EIF2B4: variants seen among roughly 807,000 people sequenced by gnomAD.
EIF2B4 encodes translation initiation factor eIF2B subunit delta.
In EIF2B4, 34 loss-of-function variants were observed where a neutral mutation model predicts 66.7. The observed-to-expected ratio is 0.51, with a 90% CI of 0.39 to 0.68. The LOEUF (loss-of-function observed/expected upper bound fraction) is 0.68, where lower values mean the gene tolerates loss of function less well. Ranked by LOEUF, EIF2B4 falls within the 30% of genes least tolerant of loss-of-function variation. The probability of loss-of-function intolerance (pLI) is 0.00; values close to 1 mark genes in which losing one functional copy is unlikely to be tolerated. For missense variants in EIF2B4, 618 were observed against 657.9 expected (o/e 0.94, Z 0.66); for synonymous variants, 278 against 253.6 (o/e 1.10, Z -0.92).
intron 4 of EIF2B4, 92 bp from the exon 5 acceptor site, chr2:27,368,825 T>A: frequency 6.7e-7 from 1 of 1,484,962 alleles, no homozygotes; most frequent in Non-Finnish European, 9.4e-7. Flanking sequence ...AAAAACAGGA[T>A]GAGGTGGAGA....
At chr2:27,369,304 G>C (rs1682149606) in intron 3 of EIF2B4, 92 bp from the exon 4 acceptor site, 3 of 1,606,714 alleles carry the variant, frequency 1.9e-6, no homozygotes. Context: ...AAACCTCTTT[G>C]CTTTACACAC....
intron 6 of EIF2B4, 61 bp downstream of exon 6, chr2:27,368,311 C>G: frequency 4.0e-6 from 6 of 1,489,540 alleles, no homozygotes; most frequent in Non-Finnish European, 4.7e-6. Flanking sequence ...TAGAAACTTT[C>G]AATACTGACT....
chr2:27,368,302 A>G (rs1008225417), intron 6 of EIF2B4, 70 bp downstream of exon 6: 4 of 1,451,914 alleles, frequency 2.8e-6, no homozygotes, highest in African/African-American at 2.8e-5. Context: ...TCAGATTACT[A>G]GAAACTTTCA....
intron 3 of EIF2B4, 31 bp downstream of exon 3, chr2:27,369,383 C>T (rs776183129): frequency 2.2e-5 from 35 of 1,613,622 alleles, no homozygotes; most frequent in South Asian, 4.4e-5. Context: ...AGCTCCACAC[C>T]CCAGCCCTTT....
At chr2:27,365,377 C>CTTTTT (rs372524722) in intron 11 of EIF2B4, among the ~76,000 whole-genome samples, 2 of 119,724 alleles carry the variant, frequency 1.7e-5, no homozygotes, top group African/African-American at 3.3e-5. Flanking sequence ...TTAATAAATC[C>CTTTTT]TTTTTTTTTT....
chr2:27,367,161 T>C lies in EIF2B4; in HGVS notation c.926A>G (p.Gln309Arg), dbSNP rs750965977. Residue 309 changes from glutamine (Q) to arginine (R), a missense_variant, in exon 10 of 13, where the codon CAA becomes CGA. Coordinates refer to ENST00000347454, the MANE Select transcript of EIF2B4 (RefSeq NM_001034116.2). ...ELRAAIDRYV[Q>R]EKIVLAAQAI... ...CTGAGCTGCTAGCACAATCTTCTCT[T>C]GCACATACCGATCAATGGCTGCTCG... is the stretch of plus-strand genomic sequence containing the variant. 1.8e-5 allele frequency: 29 copies of C among 1,614,214 alleles called. No individual in the cohort carries two copies. The highest frequency in any genetic ancestry group is 2.5e-5 in the Non-Finnish European group (29 of 1,180,040).
chr2:27,368,493 G>A (rs377475649), intron 5 of EIF2B4, 30 bp from the exon 6 acceptor site: 3 of 1,593,134 alleles, frequency 1.9e-6, no homozygotes, highest in South Asian at 1.1e-5. Flanking sequence ...AGGACCAATG[G>A]CCCAGAGTTT....
chr2:27,364,826 G>C lies in EIF2B4; in HGVS notation c.1264C>G (p.Gln422Glu), dbSNP rs1285385477. 6.2e-7 allele frequency: 1 copy of C among 1,614,152 alleles called. No homozygotes were observed. Among genetic ancestry groups the C allele is most frequent in the East Asian group, 2.2e-5 (1 of 44,888 alleles). Residue 422 changes from glutamine (Q) to glutamate (E), a missense_variant, in exon 12 of 13, where the codon CAG becomes GAG. Gln to Glu is a conservative substitution (Grantham distance 29). This residue lies in a region of EIF2B4 where 36 missense variants were observed against 65.5 expected (regional missense o/e 0.55). Transcript: ENST00000347454. The part of the protein sequence containing the change: ...GSVMSRVGTA[Q>E]LALVARAHNV... ...TGGGCTCGAGCCACCAGGGCTAACT[G>C]TGCTGTCCCTACCCGTGACATCACA...
Position 27,364,439 on chromosome 2 carries a change from A to G in EIF2B4, c.1533T>C (p.Ser511=), listed in dbSNP as rs753589996. The G allele has an allele frequency of 4.3e-5, 69 of 1,614,070 alleles. No individual in the cohort carries two copies. The highest frequency in any genetic ancestry group is 5.7e-5 in the Non-Finnish European group (67 of 1,180,044). Residue 511 remains serine (S), a synonymous_variant, in exon 13 of 13, where the codon TCT becomes TCC. Transcript: ENST00000347454. ...TCTTGACTCGTAGAACAACAGGTAC[A>G]GAACTGCAAGGGATCATCCCCAGCT... ...ITELGMIPCS[S]VPVVLRVKSS...
In EIF2B4 at chr2:27,369,023, G is replaced by A. The variant is rs778839851; in HGVS notation, c.401C>T (p.Ala134Val). The A allele has an allele frequency of 6.2e-7, 1 of 1,613,514 alleles. No homozygotes were observed. Among genetic ancestry groups the A allele is most frequent in the Non-Finnish European group, 8.5e-7 (1 of 1,179,424 alleles). ...GPPPKASPST[A>V]GETPSGVKRL... Reference sequence around the variant, plus strand: ...GAAGATACCTGAGGGGGTTTCTCCAGCTGTGCTGGGGCTGGCCTTAGGAGG... The same window carrying A: ...GAAGATACCTGAGGGGGTTTCTCCAACTGTGCTGGGGCTGGCCTTAGGAGG... Residue 134 changes from alanine to valine, a missense_variant, in exon 4 of 13, where the codon GCT becomes GTT. Physicochemically the swap from Ala to Val is moderately conservative, Grantham distance 64. This residue lies in a region of EIF2B4 where 506 missense variants were observed against 511.9 expected (regional missense o/e 0.99). Coordinates refer to ENST00000347454, the MANE Select transcript of EIF2B4 (RefSeq NM_001034116.2).
At chr2:27,369,387 GC>G (rs1682163026) in intron 3 of EIF2B4, 26 bp downstream of exon 3, 1 of 1,613,550 alleles carries the variant, frequency 6.2e-7, no homozygotes, top group African/African-American at 1.3e-5. Context: ...CCACACCCCA[GC>G]CCTTTAAAAG....
At chr2:27,365,538 G>A (rs187703885) in intron 11 of EIF2B4, 11 of 153,272 alleles carry the variant, frequency 7.2e-5, no homozygotes, top group Admixed American at 1.3e-4. Flanking sequence ...CACCACGCCC[G>A]GCTAATTTTT....
At position 27,364,787 on chromosome 2, in the gene EIF2B4, G is replaced by C; in HGVS notation, c.1303C>G (p.Leu435Val). Reference protein sequence around the residue: ...LVARAHNVPVLVCCETYKFCE... With the variant: ...LVARAHNVPVVVCCETYKFCE... ...AACTTGTATGTTTCACAGCAAACCA[G>C]CACTGGTACATTATGGGCTCGAGCC... Residue 435 changes from leucine (L) to valine (V), a missense_variant, in exon 12 of 13, where the codon CTG (leucine) becomes GTG (valine). Leu to Val is a conservative substitution (Grantham distance 32, BLOSUM62 1). This residue lies in a region of EIF2B4 where 36 missense variants were observed against 65.5 expected (regional missense o/e 0.55). Transcript: ENST00000347454. 1 of 1,614,188 alleles carries C rather than the reference G, an allele frequency of 6.2e-7. No individual in the cohort carries two copies. The highest frequency in any genetic ancestry group is 8.5e-7 in the Non-Finnish European group (1 of 1,180,056).
At chr2:27,366,712 TACACCTTTTCACCGCCAACTTTGG>T in intron 11 of EIF2B4, 23 bp downstream of exon 11, 1 of 1,601,544 alleles carries the variant, frequency 6.2e-7, no homozygotes, top group South Asian at 1.1e-5. Flanking sequence ...TCTATACTAC[TACACCTTTTCACCGCCAACTTTGG>T]AGTCCTTTTC....
intron 8 of EIF2B4, 33 bp from the exon 9 acceptor site, chr2:27,367,592 C>T: frequency 6.2e-7 from 1 of 1,608,276 alleles, no homozygotes; most frequent in African/African-American, 1.3e-5. Context: ...TATATCTGCG[C>T]AACTCTTCAC....
intron 6 of EIF2B4, 80 bp from the exon 7 acceptor site, chr2:27,368,219 C>T (rs572469370): frequency 7.4e-7 from 1 of 1,344,894 alleles, no homozygotes; most frequent in Non-Finnish European, 1.0e-6. Context: ...AAAAGGAACT[C>T]CCTTCACTAG....
chr2:27,369,351 TCTCCCACCACATCC>T, intron 3 of EIF2B4, 49 bp downstream of exon 3: 1 of 1,609,918 alleles, frequency 6.2e-7, no homozygotes, highest in Non-Finnish European at 8.5e-7. Context: ...CTCCCTTATC[TCTCCCACCACATCC>T]CTCTACCAGC....
Position 27,364,588 on chromosome 2 carries a change from C to A in EIF2B4, c.1384G>T (p.Asp462Tyr). The change falls in exon 13 of 13, where the codon GAT becomes TAT. Residue 462 changes from aspartate to tyrosine, a missense_variant. Around this residue, in one of 4 missense-constraint regions of EIF2B4, gnomAD observed 63 missense variants for 47.5 expected, o/e 1.33. Transcript: ENST00000347454. Reference sequence around the variant, plus strand: ...TGTTCTCCCCGCTTACATTGCAGATCATCAGGGTCATCTGCAATGGAAGGC... The same window carrying A: ...TGTTCTCCCCGCTTACATTGCAGATAATCAGGGTCATCTGCAATGGAAGGC... ...FVSNELDDPD[D>Y]LQCKRGEHVA... 6.2e-7 allele frequency: 1 copy of A among 1,614,196 alleles called. No homozygotes were observed. The highest frequency in any genetic ancestry group is 8.5e-7 in the Non-Finnish European group (1 of 1,180,040).
intron 11 of EIF2B4, chr2:27,365,995 C>G (rs1473867706): frequency 2.0e-5 from 3 of 153,144 alleles, no homozygotes; most frequent in Non-Finnish European, 4.4e-5. Flanking sequence ...TCACCTCAGC[C>G]TCCTAAGTAG....
Sources: allele counts gnomAD v4.1 joint callset (sites outside exome capture counted in the v4.1 genomes callset), GRCh38; gene constraint gnomAD v4.1.1; regional missense constraint gnomAD v4.1.1; transcripts MANE v1.5; gene names NCBI Gene and HGNC (gene_info 2026-07-23, HGNC 2026-07-21).